Variants in PATJ observed in about 807,000 individuals in gnomAD.
PATJ encodes inaD-like protein.
Under a neutral mutation model 224.9 loss-of-function variants are expected in PATJ, and 190 were observed. The ratio of observed to expected loss-of-function variants is 0.84; its 90% CI spans 0.75 to 0.95. The LOEUF (loss-of-function observed/expected upper bound fraction) is 0.95. Ranked by LOEUF, PATJ falls within the 40% of genes least tolerant of loss-of-function variation. The probability of loss-of-function intolerance (pLI) is 0.00; values close to 1 mark genes in which losing one functional copy is unlikely to be tolerated. For missense variants in PATJ, 2,121 were observed against 2,270.3 expected (o/e 0.93, Z 1.34); for synonymous variants, 769 against 820.3 (o/e 0.94, Z 1.07).
chr1:61,913,195 T>A (rs1672943364), intron 25 of PATJ, among the ~76,000 whole-genome samples: 1 of 152,160 alleles, frequency 6.6e-6, no homozygotes, highest in African/African-American at 2.4e-5. Context: ...GTCTTTTAAT[T>A]TCCTGAGCAA....
chr1:61,847,596 T>C (rs1376644763), intron 17 of PATJ, among the ~76,000 whole-genome samples: 1 of 152,238 alleles, frequency 6.6e-6, no homozygotes, highest in East Asian at 1.9e-4. Context: ...AGTGTAATAC[T>C]TTGCTATATT....
At chr1:61,884,503 G>A (rs1431448455) in intron 22 of PATJ, 95 bp downstream of exon 22, 11 of 830,104 alleles carry the variant, frequency 1.3e-5, no homozygotes, top group African/African-American at 3.8e-5. Context: ...TTGGTAGAAC[G>A]TTTGGAAAAT....
intron 13 of PATJ, among the ~76,000 whole-genome samples, chr1:61,805,871 A>G (rs1239144748): frequency 6.6e-6 from 1 of 152,166 alleles, no homozygotes; most frequent in Non-Finnish European, 1.5e-5. Flanking sequence ...CATTTTTATG[A>G]TTGCTTTTAT....
intron 26 of PATJ, 45 bp from the exon 27 acceptor site, chr1:61,927,685 T>C (rs773628793): frequency 8.4e-7 from 1 of 1,183,906 alleles, no homozygotes; most frequent in Non-Finnish European, 1.2e-6. Flanking sequence ...GAAAGAGCAT[T>C]GTACAAGAAG....
At chr1:61,818,392 C>A (rs528452994) in intron 14 of PATJ, among the ~76,000 whole-genome samples, 146 of 152,168 alleles carry the variant, frequency 9.6e-4, no homozygotes, top group Non-Finnish European at 1.5e-4. Context: ...AGGCACCAGT[C>A]GTCTGTTTCA....
chr1:61,906,568 C>T (rs1019722942), intron 24 of PATJ, among the ~76,000 whole-genome samples: 28 of 152,246 alleles, frequency 1.8e-4, no homozygotes. Flanking sequence ...CAGGCACACA[C>T]ATCTATGTCC....
intron 31 of PATJ, among the ~76,000 whole-genome samples, chr1:62,060,512 C>A (rs544425708): frequency 6.6e-6 from 1 of 152,094 alleles, no homozygotes; most frequent in South Asian, 2.1e-4. Context: ...GGACTACAGG[C>A]GCACAGTACC....
intron 43 of PATJ, among the ~76,000 whole-genome samples, chr1:62,154,141 C>A (rs897711082): frequency 9.2e-5 from 14 of 152,156 alleles, no homozygotes; most frequent in African/African-American, 3.4e-4. Context: ...GGCGATCCAC[C>A]TGCCTCGGCC....
intron 20 of PATJ, among the ~76,000 whole-genome samples, chr1:61,874,552 CA>C (rs1427346658): frequency 1.3e-5 from 2 of 152,322 alleles, no homozygotes; most frequent in Admixed American, 1.3e-4. Flanking sequence ...GCTCTGCCCT[CA>C]TAACTCTATC....
Position 61,827,602 on chromosome 1 carries a change from G to T in PATJ, c.1980+19G>T. The T allele has an allele frequency of 6.2e-7, 1 of 1,607,182 alleles. No individual in the cohort carries two copies. Among genetic ancestry groups the T allele is most frequent in the South Asian group, 1.1e-5 (1 of 90,244 alleles). On this transcript the variant is annotated intron_variant, in intron 16 of 43. Transcript: ENST00000642238. Reference sequence around the variant, plus strand: ...GACAGAGGTACTAAATGAATATAGTGCATTTCCCATAGGCATGCCCATTCA... The same window carrying T: ...GACAGAGGTACTAAATGAATATAGTTCATTTCCCATAGGCATGCCCATTCA...
intron 31 of PATJ, 24 bp from the exon 32 acceptor site, chr1:62,079,426 A>G (rs1167338808): frequency 3.7e-6 from 5 of 1,366,912 alleles, no homozygotes; most frequent in South Asian, 1.2e-5. Flanking sequence ...TTTGATATTC[A>G]TCTAATTTTC....
At chr1:61,856,585 A>AATT (rs1247871676) in intron 18 of PATJ, among the ~76,000 whole-genome samples, 2 of 151,820 alleles carry the variant, frequency 1.3e-5, no homozygotes, top group African/African-American at 2.4e-5. Context: ...CTTATGTGTA[A>AATT]ATTATTATTA....
intron 43 of PATJ, among the ~76,000 whole-genome samples, chr1:62,155,325 C>T (rs1408903692): frequency 6.6e-6 from 1 of 152,154 alleles, no homozygotes; most frequent in African/African-American, 2.4e-5. Flanking sequence ...GCAGACTGCC[C>T]CAGCTGTTTG....
At position 62,113,409 on chromosome 1, in the gene PATJ, G is replaced by A. The variant is rs189533292; in HGVS notation, c.4462-644G>A. Among the ~76,000 whole-genome samples, 239 of 152,300 alleles carry A rather than the reference G, an allele frequency of 1.6e-3. 1 individual carries two copies. The highest frequency in any genetic ancestry group is 5.5e-3 in the African/African-American group (230 of 41,580). On this transcript the variant is annotated intron_variant, in intron 34 of 43. Coordinates refer to ENST00000642238, the MANE Select transcript of PATJ (RefSeq NM_001350145.3). ...CCCAGCACTTTGAAAGTCCGAGGCA[G>A]GAGGATCACCTGAGCCCAGGAGTTT...
At chr1:62,045,303 C>A (rs1652331725) in intron 30 of PATJ, among the ~76,000 whole-genome samples, 1 of 151,850 alleles carries the variant, frequency 6.6e-6, no homozygotes, top group Non-Finnish European at 1.5e-5. Flanking sequence ...AATGCCTACT[C>A]TCAAATAAAA....
At chr1:61,945,806 A>G (rs1223082220) in intron 27 of PATJ, among the ~76,000 whole-genome samples, 1 of 152,232 alleles carries the variant, frequency 6.6e-6, no homozygotes, top group East Asian at 1.9e-4. Flanking sequence ...AATTGACCAC[A>G]TAGTTGAAAG....
intron 43 of PATJ, among the ~76,000 whole-genome samples, chr1:62,157,350 AAGAAATTATTTAATTCAACCCCTCC>A (rs1289326577): frequency 1.3e-5 from 2 of 149,000 alleles, no homozygotes; most frequent in Non-Finnish European, 3.0e-5. Context: ...TTGCTCAACT[AAGAAATTATTTAATTCAACCCCTCC>A]AGAAATTATT....
intron 14 of PATJ, among the ~76,000 whole-genome samples, chr1:61,815,671 G>A (rs2148679306): frequency 6.6e-6 from 1 of 152,230 alleles, no homozygotes; most frequent in South Asian, 2.1e-4. Context: ...TCAACAGAGG[G>A]AGACCCTGTC....
At chr1:61,879,814 G>A (rs7536985) in intron 21 of PATJ, among the ~76,000 whole-genome samples, 133,383 of 151,490 alleles carry the variant, frequency 0.88, 58,818 homozygotes, top group East Asian at 0.99. Context: ...CACCATCCAG[G>A]TTTTTGACTA....
Sources: allele counts gnomAD v4.1 joint callset (sites outside exome capture counted in the v4.1 genomes callset), GRCh38; gene constraint gnomAD v4.1.1; transcripts MANE v1.5; gene names NCBI Gene and HGNC (gene_info 2026-07-23, HGNC 2026-07-21).